The following RYR1 variants were observed in gnomAD, a reference collection of about 807,000 sequenced individuals.
RYR1 encodes ryanodine receptor 1.
A neutral mutation model predicts 583.5 loss-of-function variants in RYR1; 342 were observed. That is an observed-to-expected ratio of 0.59 (90% CI 0.54 to 0.64). The LOEUF is 0.64. Among genes scored for constraint, RYR1 ranks in the 30% least tolerant of loss-of-function variants. RYR1 has a pLI of 0.00. For synonymous variants in RYR1, 2,791 were observed against 2,822.5 expected, an observed-to-expected ratio of 0.99 and a Z score of 0.35; for missense variants, 6,032 against 6,917.2, an observed-to-expected ratio of 0.87 and a Z score of 4.54.
At chr19:38,507,898 A>G in intron 58 of RYR1, 71 bp downstream of exon 58, 1 of 900,892 alleles carries the variant, frequency 1.1e-6, no homozygotes, top group Non-Finnish European at 1.9e-6. Context: ...AGACTCACCT[A>G]GGACACCTGT....
In RYR1 at chr19:38,490,778, C is replaced by T. The variant is rs367819613; in HGVS notation, c.6127+46C>T. ...AGTCCTCCCCATGCTAACTTTCTCT[C>T]GAGACCTCTCCAGAAGTTTCCCTAA... On this transcript the variant is annotated intron_variant, in intron 37 of 105. Coordinates refer to ENST00000359596, the MANE Select transcript of RYR1 (RefSeq NM_000540.3). 4.9e-5 allele frequency: 61 copies of T among 1,236,642 alleles called. No individual in the cohort carries two copies. The South Asian group carries it at 5.9e-4, about 12-fold the overall frequency. 76.6% of individuals were successfully genotyped at this position (1,236,642 alleles called of 1,614,324 possible).
rs540867364 is a variant in RYR1, at chr19:38,434,829, C to T, written c.45+955C>T. Among the ~76,000 whole-genome samples the T allele has an allele frequency of 1.7e-3, 265 of 152,264 alleles. 1 individual carries two copies. The highest frequency in any genetic ancestry group is 3.4e-3 in the Middle Eastern group (1 of 294). On this transcript the variant is annotated intron_variant, in intron 1 of 105. Transcript: ENST00000359596. Reference sequence around the variant, plus strand: ...AGGTCTGCTGACCAGACGCTAGCCCCGCCCCTCCCCCCGGGGCCCTGGAGC... The same window carrying T: ...AGGTCTGCTGACCAGACGCTAGCCCTGCCCCTCCCCCCGGGGCCCTGGAGC...
At position 38,565,540 on chromosome 19, in the gene RYR1, C is replaced by T. The variant is rs1244865294; in HGVS notation, c.13206C>T (p.Asp4402=). 3.3e-6 allele frequency: 5 copies of T among 1,500,568 alleles called. No individual in the cohort carries two copies. The highest frequency in any genetic ancestry group is 2.6e-6 in the Non-Finnish European group (3 of 1,132,170). 93.0% of individuals were successfully genotyped at this position (1,500,568 alleles called of 1,614,324 possible). Residue 4402 remains aspartate, a synonymous_variant, in exon 91 of 106, where the codon GAC becomes GAT. Transcript: ENST00000359596. This position sits in a 1 kb window ranked among gnomAD's most constrained non-coding sequence, Gnocchi z 4.7. Reference sequence around the variant, plus strand: ...AGCAGCCGGCCGGGCCGGGCGGAGACGCAGACGGCGAGGGTGCCAGCGAGG... The same window carrying T: ...AGCAGCCGGCCGGGCCGGGCGGAGATGCAGACGGCGAGGGTGCCAGCGAGG... ...HGEQPAGPGG[D]ADGEGASEGA... is the part of the protein sequence containing the mutation.
Position 38,565,267 on chromosome 19 carries a change from C to T in RYR1, c.12933C>T (p.Arg4311=). 2 of 994,264 alleles carry T rather than the reference C, an allele frequency of 2.0e-6. No individual in the cohort carries two copies. The highest frequency in any genetic ancestry group is 1.2e-6 in the Non-Finnish European group (1 of 837,460). The allele number at this position is 994,264 out of a possible 1,614,324, so 61.6% of individuals were successfully genotyped here. The stretch of plus-strand genomic sequence containing the variant: ...GGGCCCTGCGAGGCCTCAGCTACCG[C>T]AGCCTGCGGCGGCGCGTGCGGCGGC... The part of the protein sequence containing the change: ...AGRALRGLSY[R]SLRRRVRRLR... The change falls in exon 91 of 106, where the codon CGC becomes CGT. Residue 4311 remains arginine, a synonymous_variant. Coordinates refer to ENST00000359596, the MANE Select transcript of RYR1 (RefSeq NM_000540.3). The surrounding 1 kb of genome is among the most constrained non-coding windows in gnomAD (Gnocchi z 4.7).
Position 38,433,879 on chromosome 19 carries a change from G to T in RYR1, c.45+5G>T. ...GAGGTCCAGTTCCTGCGGACGGTGC[G>T]TATCTCTGGGTTAGGGGCCTGTGGG... is the stretch of plus-strand genomic sequence containing the variant. On this transcript the variant is annotated splice_donor_5th_base_variant and intron_variant, in intron 1 of 105. Transcript: ENST00000359596. The T allele has an allele frequency of 6.2e-7, 1 of 1,612,910 alleles. No individual in the cohort carries two copies. The highest frequency in any genetic ancestry group is 8.5e-7 in the Non-Finnish European group (1 of 1,178,964).
rs536629932 is a variant in RYR1, at chr19:38,543,848, C to T, written c.11985C>T (p.Phe3995=). 1.9e-6 allele frequency: 3 copies of T among 1,613,778 alleles called. No homozygotes were observed. The highest frequency in any genetic ancestry group is 2.2e-5 in the South Asian group (2 of 91,052). The change falls in exon 87 of 106, where the codon TTC becomes TTT. Residue 3995 remains phenylalanine (F), a synonymous_variant. Coordinates refer to ENST00000359596, the MANE Select transcript of RYR1 (RefSeq NM_000540.3). The surrounding 1 kb of genome is among the most constrained non-coding windows in gnomAD (Gnocchi z 4.4). ...WDAVVGFLHV[F]AHMMMKLAQD... is the part of the protein sequence containing the mutation. Reference sequence around the variant, plus strand: ...CAGTGGTGGGATTCCTGCACGTGTTCGCCCACATGATGATGAAGCTCGCTC... The same window carrying T: ...CAGTGGTGGGATTCCTGCACGTGTTTGCCCACATGATGATGAAGCTCGCTC...
chr19:38,572,625 C>T (rs1314059685), intron 95 of RYR1, among the ~76,000 whole-genome samples: 1 of 152,056 alleles, frequency 6.6e-6, no homozygotes, highest in Non-Finnish European at 1.5e-5. Context: ...CACCTCCTTG[C>T]ACCTGCCTGT....
At chr19:38,532,122 CTTTTTT>C (rs552357645) in intron 76 of RYR1, among the ~76,000 whole-genome samples, 1 of 138,728 alleles carries the variant, frequency 7.2e-6, no homozygotes, top group Admixed American at 7.3e-5. Flanking sequence ...ACCAGAAGCT[CTTTTTT>C]TTTTTTTTTT....
In RYR1 at chr19:38,505,953, G is replaced by A. The variant is rs1970426673; in HGVS notation, c.8541+7G>A. The A allele has an allele frequency of 6.2e-7, 1 of 1,612,112 alleles. No individual in the cohort carries two copies. The highest frequency in any genetic ancestry group is 1.3e-5 in the African/African-American group (1 of 74,814). ...GATATCACAAAGTGCCCAGGTGAAGGCGGGGCCTGGGTGGAGGGCAGGGGC... is the reference window on the plus strand; with the variant it reads ...GATATCACAAAGTGCCCAGGTGAAGACGGGGCCTGGGTGGAGGGCAGGGGC... On this transcript the variant is annotated splice_region_variant and intron_variant, in intron 54 of 105. Transcript: ENST00000359596.
Position 38,543,083 on chromosome 19 carries a change from C to G in RYR1, c.11690-264C>G, listed in dbSNP as rs1972269110. ...TCTCAAACTCCTGACCTCAGGTGAT[C>G]TGCCTGCCTGGGCCTCCCAAAGTGC... is the stretch of plus-strand genomic sequence containing the variant. On this transcript the variant is annotated intron_variant, in intron 84 of 105. Coordinates refer to ENST00000359596, the MANE Select transcript of RYR1 (RefSeq NM_000540.3). The surrounding 1 kb of genome is among the most constrained non-coding windows in gnomAD (Gnocchi z 4.4). 6.6e-6 allele frequency among the ~76,000 whole-genome samples: 1 copy of G among 152,162 alleles called. No individual in the cohort carries two copies. The highest frequency in any genetic ancestry group is 1.5e-5 in the Non-Finnish European group (1 of 68,036).
chr19:38,568,954 G>A (rs960236917), intron 93 of RYR1, among the ~76,000 whole-genome samples: 3 of 152,302 alleles, frequency 2.0e-5, no homozygotes, highest in African/African-American at 7.2e-5. Flanking sequence ...AGGATCACTG[G>A]AGCCCAGGAG....
intron 13 of RYR1, 124 bp from the exon 14 acceptor site, chr19:38,455,111 G>T: frequency 8.5e-7 from 1 of 1,175,604 alleles, no homozygotes; most frequent in Non-Finnish European, 1.3e-6. Flanking sequence ...CAAAGGGGCT[G>T]ATTTAGATCT....
chr19:38,545,253 C>T (rs1972375461), intron 87 of RYR1, among the ~76,000 whole-genome samples: 3 of 152,050 alleles, frequency 2.0e-5, no homozygotes, highest in South Asian at 2.1e-4. Context: ...TGGGGGACTC[C>T]GCAGGTGAAA....
intron 96 of RYR1, among the ~76,000 whole-genome samples, chr19:38,573,694 A>G (rs1599652397): frequency 7.3e-6 from 1 of 137,912 alleles, no homozygotes; most frequent in East Asian, 2.0e-4. Context: ...CCCCCCAGAC[A>G]AAAAAAAAAA....
chr19:38,508,253 A>G (rs1970569327), intron 58 of RYR1, among the ~76,000 whole-genome samples: 1 of 151,880 alleles, frequency 6.6e-6, no homozygotes, highest in Non-Finnish European at 1.5e-5. Flanking sequence ...CTTGCTGCCC[A>G]GGCTGGAGTG....
Position 38,446,535 on chromosome 19 carries a change from T to C in RYR1, c.695T>C (p.Ile232Thr). The change falls in exon 8 of 106, where the codon ATT becomes ACT. Residue 232 changes from isoleucine to threonine, a missense_variant. Physicochemically the swap from Ile to Thr is moderately conservative, Grantham distance 89 (BLOSUM62 -1). Around this residue, in one of 11 missense-constraint regions of RYR1, gnomAD observed 338 missense variants for 441.6 expected, o/e 0.77. Transcript: ENST00000359596. ...FHGHMDECLT[I>T]SPADSDDQRR... ...GGACATATGGATGAGTGTCTGACCA[T>C]TTCCCCTGCTGACAGTGATGACCAG... 6.2e-7 allele frequency: 1 copy of C among 1,614,128 alleles called. No homozygotes were observed. The highest frequency in any genetic ancestry group is 1.1e-5 in the South Asian group (1 of 91,084).
At chr19:38,462,953 G>A (rs1259848507) in intron 20 of RYR1, among the ~76,000 whole-genome samples, 1 of 138,594 alleles carries the variant, frequency 7.2e-6, no homozygotes, top group Admixed American at 8.1e-5. Context: ...CTGAAGTGCA[G>A]TGGCACAATC....
chr19:38,509,447 A>AT (rs1439875376), intron 58 of RYR1, among the ~76,000 whole-genome samples: 268 of 120,900 alleles, frequency 2.2e-3, no homozygotes, highest in East Asian at 0.018. Flanking sequence ...TATTATTATT[A>AT]TTATTTTTTT....
At chr19:38,580,233 C>G (rs1208774247) in intron 100 of RYR1, 105 bp downstream of exon 100, 5 of 1,595,172 alleles carry the variant, frequency 3.1e-6, no homozygotes, top group Non-Finnish European at 4.3e-6. Context: ...GGGGCAAGGC[C>G]AGGTGCGCTG....
Sources: allele counts gnomAD v4.1 joint callset (sites outside exome capture counted in the v4.1 genomes callset), GRCh38; gene constraint gnomAD v4.1.1; regional missense constraint gnomAD v4.1.1; non-coding constraint Gnocchi (gnomAD v3.1); transcripts MANE v1.5; gene names NCBI Gene and HGNC (gene_info 2026-07-23, HGNC 2026-07-21).